The following EDIL3 variants were observed in gnomAD, a reference collection of about 807,000 sequenced individuals.
EDIL3 encodes EGF-like repeat and discoidin I-like domain-containing protein 3.
Under a neutral mutation model 67.4 loss-of-function variants are expected in EDIL3, and 37 were observed. That is an observed-to-expected ratio of 0.55 (90% CI 0.42 to 0.72). The LOEUF (loss-of-function observed/expected upper bound fraction) is 0.72, where lower values mean the gene tolerates loss of function less well. Among genes scored for constraint, EDIL3 ranks in the 30% least tolerant of loss-of-function variants. The pLI, the probability that EDIL3 is intolerant of heterozygous loss-of-function variation, is 0.00. For synonymous variants in EDIL3, 195 were observed against 196.3 expected (o/e 0.99, Z 0.05); for missense variants, 527 against 586.3 (o/e 0.90, Z 1.04).
At chr5:84,079,168 C>A (rs988092716) in intron 6 of EDIL3, among the ~76,000 whole-genome samples, 17 of 152,102 alleles carry the variant, frequency 1.1e-4, no homozygotes, top group African/African-American at 3.9e-4. Flanking sequence ...AAGGAAGTTC[C>A]TCTTCTCTTC....
intron 1 of EDIL3, among the ~76,000 whole-genome samples, chr5:84,327,042 G>C (rs1746774029): frequency 6.6e-6 from 1 of 151,752 alleles, no homozygotes; most frequent in Admixed American, 6.6e-5. Flanking sequence ...TTTCATATAT[G>C]TATACATTGT....
intron 1 of EDIL3, among the ~76,000 whole-genome samples, chr5:84,346,114 G>A (rs1310989225): frequency 6.7e-6 from 1 of 149,818 alleles, no homozygotes; most frequent in East Asian, 1.9e-4. Context: ...TCTATATCAG[G>A]AGTCATCAAA....
chr5:84,270,700 CA>C (rs1179111934), intron 1 of EDIL3, among the ~76,000 whole-genome samples: 2 of 152,150 alleles, frequency 1.3e-5, no homozygotes, highest in Non-Finnish European at 2.9e-5. Flanking sequence ...ATGAACTTCA[CA>C]ATCATCATAG....
chr5:84,003,739 T>C (rs1409838443), intron 9 of EDIL3, among the ~76,000 whole-genome samples: 2 of 152,134 alleles, frequency 1.3e-5, no homozygotes, highest in Non-Finnish European at 2.9e-5. Context: ...ACATAGACCA[T>C]TGACACTATA....
At chr5:84,311,236 T>C (rs1746380340) in intron 1 of EDIL3, among the ~76,000 whole-genome samples, 1 of 152,062 alleles carries the variant, frequency 6.6e-6, no homozygotes, top group African/African-American at 2.4e-5. Flanking sequence ...TTAACTTATA[T>C]TAGCTTCAGA....
At chr5:84,050,289 A>G (rs899687414) in intron 9 of EDIL3, among the ~76,000 whole-genome samples, 1 of 152,070 alleles carries the variant, frequency 6.6e-6, no homozygotes, top group African/African-American at 2.4e-5. Flanking sequence ...TAGATGAAAC[A>G]TTAGAGTAAT....
chr5:84,066,708 A>G, intron 6 of EDIL3, 102 bp from the exon 7 acceptor site: 1 of 1,405,712 alleles, frequency 7.1e-7, no homozygotes, highest in Non-Finnish European at 9.6e-7. Context: ...CAGATTAATA[A>G]TAACATAAAA....
intron 2 of EDIL3, among the ~76,000 whole-genome samples, chr5:84,235,584 CA>C (rs1744664685): frequency 1.3e-5 from 2 of 151,978 alleles, no homozygotes; most frequent in South Asian, 4.2e-4. Flanking sequence ...TTTTTTTGCT[CA>C]CCATTACATC....
chr5:84,113,005 TATG>T (rs1747590903), intron 5 of EDIL3, among the ~76,000 whole-genome samples: 1 of 152,198 alleles, frequency 6.6e-6, no homozygotes, highest in African/African-American at 2.4e-5. Flanking sequence ...AAATTTTTTT[TATG>T]ATGAGTAAAG....
chr5:84,340,125 T>C (rs1747072000), intron 1 of EDIL3, among the ~76,000 whole-genome samples: 2 of 152,040 alleles, frequency 1.3e-5, no homozygotes, highest in Non-Finnish European at 2.9e-5. Flanking sequence ...GCATAGGTAG[T>C]ATTACTGCCT....
At chr5:84,176,214 TATATATATATATA>T (rs1748909737) in intron 4 of EDIL3, among the ~76,000 whole-genome samples, 1 of 133,348 alleles carries the variant, frequency 7.5e-6, no homozygotes, top group African/African-American at 3.1e-5. Context: ...TATATATATA[TATATATATATATA>T]ATATATTGTA....
chr5:84,265,498 A>G (rs1745328422), intron 1 of EDIL3, among the ~76,000 whole-genome samples: 1 of 152,238 alleles, frequency 6.6e-6, no homozygotes, highest in Non-Finnish European at 1.5e-5. Context: ...TTTAAAAGTC[A>G]GGTTTAGATC....
intron 6 of EDIL3, among the ~76,000 whole-genome samples, chr5:84,102,635 A>G (rs139333665): frequency 6.6e-6 from 1 of 151,844 alleles, no homozygotes; most frequent in Admixed American, 6.6e-5. Context: ...CAAAAAAAAA[A>G]CGAAAAAACC....
chr5:83,969,777 G>T (rs571156754), intron 9 of EDIL3, among the ~76,000 whole-genome samples: 1 of 151,702 alleles, frequency 6.6e-6, no homozygotes, highest in East Asian at 1.9e-4. Flanking sequence ...TTAAAAAATT[G>T]ATACATAATA....
Position 84,306,819 on chromosome 5 carries a change from T to A in EDIL3, c.68-52607A>T, listed in dbSNP as rs558613452. On this transcript the variant is annotated intron_variant, in intron 1 of 10. Coordinates refer to ENST00000296591, the MANE Select transcript of EDIL3 (RefSeq NM_005711.5). Reference sequence around the variant, plus strand: ...ACTTTCCAAACTGAGCTGGTGATTATGCTTGTGCACTGGCTTTAAACCCCA... The same window carrying A: ...ACTTTCCAAACTGAGCTGGTGATTAAGCTTGTGCACTGGCTTTAAACCCCA... Among the ~76,000 whole-genome samples the A allele has an allele frequency of 1.4e-4, 22 of 152,338 alleles. No individual in the cohort carries two copies. The East Asian group carries it at 4.2e-3, about 29-fold the overall frequency.
intron 1 of EDIL3, among the ~76,000 whole-genome samples, chr5:84,355,925 G>A (rs1239745006): frequency 6.6e-6 from 1 of 152,170 alleles, no homozygotes; most frequent in African/African-American, 2.4e-5. Context: ...AGGGAGATGG[G>A]AGTTTTAATT....
At chr5:84,185,600 G>A (rs1420846284) in intron 3 of EDIL3, among the ~76,000 whole-genome samples, 1 of 152,056 alleles carries the variant, frequency 6.6e-6, no homozygotes, top group African/African-American at 2.4e-5. Flanking sequence ...TGCCTACACT[G>A]TATTCTAATT....
At chr5:83,967,912 T>C (rs1208501721) in intron 9 of EDIL3, among the ~76,000 whole-genome samples, 1 of 152,168 alleles carries the variant, frequency 6.6e-6, no homozygotes, top group Non-Finnish European at 1.5e-5. Flanking sequence ...TGCCTTCATA[T>C]CATTTATTCT....
chr5:84,312,356 G>C (rs1168329175), intron 1 of EDIL3, among the ~76,000 whole-genome samples: 23 of 136,412 alleles, frequency 1.7e-4, no homozygotes, highest in East Asian at 7.1e-4. Flanking sequence ...CCTCCCTCCC[G>C]GACGGGGCGG....
Sources: gnomAD v4.1 joint callset for allele counts (sites outside exome capture counted in the v4.1 genomes callset) on GRCh38, gnomAD v4.1.1 for gene constraint, MANE v1.5 for transcripts, NCBI Gene and HGNC (gene_info 2026-07-23, HGNC 2026-07-21) for gene names.